ZAN: variants seen among roughly 807,000 people sequenced by gnomAD.
The protein encoded by ZAN is zonadhesin, also known as zonadhesin (gene/pseudogene).
ZAN carries 260 observed loss-of-function variants against 286.2 expected under a neutral mutation model. The observed-to-expected ratio is 0.91, with a 90% CI of 0.82 to 1.01. The LOEUF (loss-of-function observed/expected upper bound fraction) is 1.01. ZAN is among the 50% of genes least tolerant of loss of function. ZAN has a pLI of 0.00. For missense variants in ZAN, 3,410 were observed against 3,639.2 expected, an observed-to-expected ratio of 0.94 and a Z score of 1.62; for synonymous variants, 1,368 against 1,417.5, an observed-to-expected ratio of 0.97 and a Z score of 0.79.
intron 36 of ZAN, among the ~76,000 whole-genome samples, chr7:100,785,303 G>A (rs112408570): frequency 2.8e-5 from 4 of 142,472 alleles, no homozygotes; most frequent in Non-Finnish European, 4.5e-5. Flanking sequence ...TAATCTCTGC[G>A]CACTGCAATC....
intron 23 of ZAN, among the ~76,000 whole-genome samples, 197 bp from the exon 24 acceptor site, chr7:100,766,328 A>T (rs1396755814): frequency 1.3e-5 from 2 of 152,172 alleles, no homozygotes; most frequent in African/African-American, 4.8e-5. Flanking sequence ...ACAGACCCAG[A>T]AATGATGTAG....
chr7:100,772,665 CA>C (rs1261980754), intron 29 of ZAN, among the ~76,000 whole-genome samples: 2 of 151,316 alleles, frequency 1.3e-5, no homozygotes, highest in South Asian at 2.1e-4. Context: ...ACCAAAAATA[CA>C]AAAAATTAGC....
intron 22 of ZAN, among the ~76,000 whole-genome samples, chr7:100,764,735 GT>G (rs745893084): frequency 7.3e-5 from 11 of 150,626 alleles, no homozygotes; most frequent in Non-Finnish European, 1.3e-4. Flanking sequence ...AAAATTAGCT[GT>G]GTGTGGCAAC....
In ZAN at chr7:100,791,108, C is replaced by A; in HGVS notation, c.7524C>A (p.Phe2508Leu). ...AGACCGAGGACGCACTCCTGCGCTT[C>A]CCCAGGTGCACGGCCTGGAAGGGAT... Reference protein sequence around the residue: ...EVKTEDALLRFPRAIPAEEEG... With the variant: ...EVKTEDALLRLPRAIPAEEEG... The change falls in exon 40 of 48, where the codon TTC becomes TTA. Residue 2508 changes from phenylalanine to leucine, a missense_variant. Phe to Leu is a conservative substitution (Grantham distance 22, BLOSUM62 0). Transcript: ENST00000613979. 1 of 1,610,818 alleles carries A rather than the reference C, an allele frequency of 6.2e-7. No individual in the cohort carries two copies. Among genetic ancestry groups the A allele is most frequent in the Non-Finnish European group, 8.5e-7 (1 of 1,179,278 alleles).
intron 41 of ZAN, 65 bp downstream of exon 41, chr7:100,792,213 C>T: frequency 6.6e-7 from 1 of 1,507,182 alleles, no homozygotes. Flanking sequence ...TCCCTGGGGC[C>T]TCCTGCCCGC....
intron 27 of ZAN, among the ~76,000 whole-genome samples, chr7:100,769,536 C>T (rs1323394631): frequency 6.7e-6 from 1 of 149,564 alleles, no homozygotes; most frequent in African/African-American, 2.5e-5. Flanking sequence ...CCTTTCCTTT[C>T]CTTTCCTTTT....
At chr7:100,735,666 A>C in intron 2 of ZAN, 54 bp from the exon 3 acceptor site, 1 of 1,300,442 alleles carries the variant, frequency 7.7e-7, no homozygotes, top group African/African-American at 1.5e-5. Context: ...TGAATCTTAT[A>C]ATTCTTGATA....
In ZAN at chr7:100,752,254, C is replaced by A; in HGVS notation, c.2149C>A (p.Pro717Thr). The A allele has an allele frequency of 6.2e-7, 1 of 1,609,872 alleles. No individual in the cohort carries two copies. The change falls in exon 14 of 48, where the codon CCC (proline) becomes ACC (threonine). Residue 717 changes from proline to threonine, a missense_variant. By Grantham distance (38) the Pro-to-Thr change is conservative. This residue lies in a region of ZAN where 872 missense variants were observed against 938.9 expected (regional missense o/e 0.93). Coordinates refer to ENST00000613979, the MANE Select transcript of ZAN (RefSeq NM_003386.3). ...TEKPTISPEK[P>T]TIPTEKPTIP... ...AAAACCCACCATCTCCCCAGAAAAA[C>A]CCACCATCCCCACAGAAAAACCCAC...
Position 100,752,603 on chromosome 7 carries a change from T to C in ZAN, c.2498T>C (p.Val833Ala). 9.4e-6 allele frequency: 15 copies of C among 1,593,172 alleles called. No homozygotes were observed. Among genetic ancestry groups the C allele is most frequent in the Non-Finnish European group, 1.2e-5 (14 of 1,172,494 alleles). The part of the protein sequence containing the change: ...TLPTEETTTS[V>A]EETTISTEKL... ...CCCACTGAAGAAACCACCACCTCTG[T>C]TGAAGAGACTACCATCTCTACAGAA... Residue 833 changes from valine (V) to alanine (A), a missense_variant, in exon 14 of 48, where the codon GTT (valine) becomes GCT (alanine). Val to Ala is a moderately conservative substitution (Grantham distance 64). This residue lies in a region of ZAN where 90 missense variants were observed against 87.1 expected (regional missense o/e 1.03). Transcript: ENST00000613979.
intron 7 of ZAN, among the ~76,000 whole-genome samples, chr7:100,744,730 C>A (rs1584553406): frequency 1.3e-5 from 2 of 151,758 alleles, no homozygotes; most frequent in South Asian, 2.1e-4. Flanking sequence ...CGCCCAGCAG[C>A]TTCAGTAAAT....
intron 7 of ZAN, among the ~76,000 whole-genome samples, chr7:100,744,880 G>T (rs73170781): frequency 0.25 from 34,991 of 139,170 alleles, 6,295 homozygotes; most frequent in East Asian, 0.65. Context: ...TTTTTTTTTT[G>T]TTGTTGTTGT....
At chr7:100,762,416 T>TCA in intron 20 of ZAN, 58 bp downstream of exon 20, 14 of 1,119,658 alleles carry the variant, frequency 1.3e-5, no homozygotes, top group Non-Finnish European at 1.2e-5. Flanking sequence ...TTCCTGGAAC[T>TCA]CTCTTTTTTT....
intron 27 of ZAN, among the ~76,000 whole-genome samples, chr7:100,769,621 T>C (rs1255987473): frequency 6.6e-6 from 1 of 151,910 alleles, no homozygotes; most frequent in Non-Finnish European, 1.5e-5. Flanking sequence ...CATAGCTCAC[T>C]GAAGCCTCCA....
Position 100,752,588 on chromosome 7 carries a change from A to G in ZAN, c.2483A>G (p.Glu828Gly). 2.5e-6 allele frequency: 4 copies of G among 1,612,674 alleles called. No homozygotes were observed. The highest frequency in any genetic ancestry group is 3.4e-6 in the Non-Finnish European group (4 of 1,179,538). Residue 828 changes from glutamate to glycine, a missense_variant, in exon 14 of 48, where the codon GAA (glutamate) becomes GGA (glycine). Glu to Gly is a moderately conservative substitution (Grantham distance 98). Around this residue, in one of 7 missense-constraint regions of ZAN, gnomAD observed 90 missense variants for 87.1 expected, o/e 1.03. Coordinates refer to ENST00000613979, the MANE Select transcript of ZAN (RefSeq NM_003386.3). Reference protein sequence around the residue: ...PMEKPTLPTEETTTSVEETTI... With the variant: ...PMEKPTLPTEGTTTSVEETTI... ...GAAAAACCCACTCTCCCCACTGAAG[A>G]AACCACCACCTCTGTTGAAGAGACT...
Position 100,738,317 on chromosome 7 carries a change from T to C in ZAN, c.614-144T>C, listed in dbSNP as rs1029820458. On this transcript the variant is annotated intron_variant, in intron 6 of 47. Coordinates refer to ENST00000613979, the MANE Select transcript of ZAN (RefSeq NM_003386.3). Reference sequence around the variant, plus strand: ...CCTGTAGTCCTAGCTACTTGAGAGGTTGAGGTGGGAGGACCGCTTGAGTCC... The same window carrying C: ...CCTGTAGTCCTAGCTACTTGAGAGGCTGAGGTGGGAGGACCGCTTGAGTCC... 8 of 762,968 alleles carry C rather than the reference T, an allele frequency of 1.0e-5. 2 individuals carry two copies. Among genetic ancestry groups the C allele is most frequent in the African/African-American group, 1.8e-5 (1 of 55,074 alleles). The allele number at this position is 762,968 out of a possible 1,614,324, so 47.3% of individuals were successfully genotyped here.
At chr7:100,768,380 G>T (rs1810144686) in intron 26 of ZAN, among the ~76,000 whole-genome samples, 1 of 152,204 alleles carries the variant, frequency 6.6e-6, no homozygotes, top group Admixed American at 6.6e-5. Context: ...GCTGACGCGG[G>T]AGAATCGCTT....
At position 100,750,781 on chromosome 7, in the gene ZAN, T is replaced by C; in HGVS notation, c.1406T>C (p.Leu469Pro). Residue 469 changes from leucine (L) to proline (P), a missense_variant, in exon 12 of 48, where the codon CTG becomes CCG. By Grantham distance (98) the Leu-to-Pro change is moderately conservative. Transcript: ENST00000613979. The stretch of plus-strand genomic sequence containing the variant: ...GAGGGTACTATGCTCGAACTCCTCC[T>C]GGGAAGTCCTGCGGGGAGTCCCCCG... ...LGEGTMLELLLGSPAGSPPIP... is the reference protein window; with the variant it reads ...LGEGTMLELLPGSPAGSPPIP... 6.2e-7 allele frequency: 1 copy of C among 1,612,624 alleles called. No homozygotes were observed. Among genetic ancestry groups the C allele is most frequent in the East Asian group, 2.2e-5 (1 of 44,844 alleles).
At chr7:100,792,243 G>A in intron 41 of ZAN, 95 bp downstream of exon 41, 2 of 1,498,226 alleles carry the variant, frequency 1.3e-6, no homozygotes, top group Non-Finnish European at 1.8e-6. Flanking sequence ...CAAGCTCTGT[G>A]TGGTTCACTC....
intron 7 of ZAN, among the ~76,000 whole-genome samples, chr7:100,746,180 G>A (rs1010468077): frequency 2.0e-5 from 3 of 152,120 alleles, no homozygotes; most frequent in African/African-American, 7.2e-5. Flanking sequence ...AGTGAACCAT[G>A]AGAGCCATGA....
Sources: allele counts gnomAD v4.1 joint callset (sites outside exome capture counted in the v4.1 genomes callset), GRCh38; gene constraint gnomAD v4.1.1; regional missense constraint gnomAD v4.1.1; transcripts MANE v1.5; gene names NCBI Gene and HGNC (gene_info 2026-07-23, HGNC 2026-07-21).